Variants in TMC1 observed in about 807,000 individuals in gnomAD.
The protein encoded by TMC1 is transmembrane channel-like protein 1.
Under a neutral mutation model 105.8 loss-of-function variants are expected in TMC1, and 84 were observed. That is an observed-to-expected ratio of 0.79 (90% confidence interval 0.67 to 0.95). TMC1 has a LOEUF of 0.95. Ranked by LOEUF, TMC1 falls within the 40% of genes least tolerant of loss-of-function variation. The pLI is 0.00. For missense variants in TMC1, 817 were observed against 914.1 expected, an observed-to-expected ratio of 0.89 and a Z score of 1.37; for synonymous variants, 315 against 311.5, an observed-to-expected ratio of 1.01 and a Z score of -0.12.
At chr9:72,780,762 A>G (rs903842747) in intron 13 of TMC1, among the ~76,000 whole-genome samples, 5 of 152,218 alleles carry the variant, frequency 3.3e-5, no homozygotes, top group Non-Finnish European at 7.3e-5. Flanking sequence ...ATTCAGCAAG[A>G]AGACTTAACT....
chr9:72,791,282 C>CATACG (rs1411908717), intron 15 of TMC1, among the ~76,000 whole-genome samples: 2 of 151,878 alleles, frequency 1.3e-5, no homozygotes, highest in East Asian at 3.9e-4. Context: ...TCTACGTTGG[C>CATACG]TTCCATAACA....
rs1328227759 is a variant in TMC1 at position 72,521,887 on chromosome 9, A to C, written c.-454A>C. 6.6e-6 allele frequency: 1 copy of C among 152,216 alleles called. No individual in the cohort carries two copies. The highest frequency in any genetic ancestry group is 1.5e-5 in the Non-Finnish European group (1 of 68,044). 9.4% of individuals were successfully genotyped at this position (152,216 alleles called of 1,614,324 possible). Reference sequence around the variant, plus strand: ...GCTGAAATTTAGGAATCATTGCCCCAAAAAGTGGCCCTCATAATGATGCCA... The same window carrying C: ...GCTGAAATTTAGGAATCATTGCCCCCAAAAGTGGCCCTCATAATGATGCCA... On this transcript the variant is annotated 5_prime_UTR_variant, in exon 1 of 24. Transcript: ENST00000297784.
chr9:72,571,640 G>T (rs953312678), intron 1 of TMC1, among the ~76,000 whole-genome samples: 1 of 151,306 alleles, frequency 6.6e-6, no homozygotes, highest in Non-Finnish European at 1.5e-5. Context: ...TAAAGATGGG[G>T]TTTCACCATG....
At chr9:72,567,374 G>A (rs1824179315) in intron 1 of TMC1, among the ~76,000 whole-genome samples, 1 of 152,144 alleles carries the variant, frequency 6.6e-6, no homozygotes, top group Admixed American at 6.5e-5. Flanking sequence ...TTCCCCCTCT[G>A]TGAAGGGAAT....
Position 72,687,156 on chromosome 9 carries a change from A to G in TMC1, c.17-1553A>G, listed in dbSNP as rs541857331. Among the ~76,000 whole-genome samples the G allele has an allele frequency of 3.3e-5, 5 of 152,346 alleles. No homozygotes were observed. The South Asian group carries it at 1.0e-3, about 32-fold the overall frequency. ...TATATTATCACATTCTAGTGAAATA[A>G]TCATCACAAATCATCCTAATACATC... is the stretch of plus-strand genomic sequence containing the variant. On this transcript the variant is annotated intron_variant, in intron 5 of 23. Coordinates refer to ENST00000297784, the MANE Select transcript of TMC1 (RefSeq NM_138691.3).
chr9:72,642,727 T>C (rs1825648380), intron 4 of TMC1, among the ~76,000 whole-genome samples: 1 of 152,228 alleles, frequency 6.6e-6, no homozygotes, highest in African/African-American at 2.4e-5. Flanking sequence ...GTATTGTTTT[T>C]CTACTTTTTC....
intron 12 of TMC1, among the ~76,000 whole-genome samples, chr9:72,755,091 AG>A (rs1312510154): frequency 8.8e-5 from 13 of 148,140 alleles, no homozygotes; most frequent in African/African-American, 2.9e-4. Flanking sequence ...AGAGAGAGAG[AG>A]AGAGAAAGAA....
chr9:72,810,794 ACTGT>A (rs1442964927), intron 18 of TMC1, among the ~76,000 whole-genome samples: 1 of 152,144 alleles, frequency 6.6e-6, no homozygotes, highest in African/African-American at 2.4e-5. Flanking sequence ...TTTAAGTTGA[ACTGT>A]CTAATTATTC....
chr9:72,711,714 AGATT>A (rs1427679510), intron 8 of TMC1, among the ~76,000 whole-genome samples: 8 of 152,184 alleles, frequency 5.3e-5, no homozygotes, highest in African/African-American at 1.9e-4. Flanking sequence ...CCCATTCTGT[AGATT>A]GCCTGTCCAA....
chr9:72,593,738 G>GGAAAA (rs1345725866), intron 2 of TMC1, among the ~76,000 whole-genome samples: 1 of 151,818 alleles, frequency 6.6e-6, no homozygotes, highest in Non-Finnish European at 1.5e-5. Flanking sequence ...AGAAGAAGAA[G>GGAAAA]GAAAAGAAAA....
intron 3 of TMC1, among the ~76,000 whole-genome samples, chr9:72,622,302 C>T (rs1257859026): frequency 6.6e-6 from 1 of 152,230 alleles, no homozygotes; most frequent in African/African-American, 2.4e-5. Context: ...CCACTCTCAT[C>T]CACCAGTGAT....
At chr9:72,713,256 CAGGTTTTGCTATT>C (rs1379081867) in intron 8 of TMC1, among the ~76,000 whole-genome samples, 2 of 152,056 alleles carry the variant, frequency 1.3e-5, no homozygotes, top group Non-Finnish European at 2.9e-5. Context: ...GTGTCTCTGC[CAGGTTTTGCTATT>C]AGGATGATGC....
At chr9:72,640,048 T>A (rs1475673766) in intron 4 of TMC1, among the ~76,000 whole-genome samples, 2 of 151,666 alleles carry the variant, frequency 1.3e-5, no homozygotes, top group South Asian at 2.1e-4. Context: ...CCAATCCAAT[T>A]TTTTTTTTAA....
rs557287464 is a variant in TMC1, at chr9:72,561,041, C to T, written c.-427-16861C>T. 2.6e-5 allele frequency among the ~76,000 whole-genome samples: 4 copies of T among 151,762 alleles called. No individual in the cohort carries two copies. The South Asian group carries it at 6.3e-4, about 24-fold the overall frequency. ...AATTAAAGAGAGAAAAGGCCGGGCG[C>T]GGTGGCCCATGCCTGTAATCCCAGC... On this transcript the variant is annotated intron_variant, in intron 1 of 23. Coordinates refer to ENST00000297784, the MANE Select transcript of TMC1 (RefSeq NM_138691.3).
At chr9:72,682,846 C>A (rs1207667357) in intron 5 of TMC1, among the ~76,000 whole-genome samples, 2 of 152,188 alleles carry the variant, frequency 1.3e-5, no homozygotes, top group Non-Finnish European at 2.9e-5. Context: ...GAAAGCATGG[C>A]TGCTTTCTGC....
At chr9:72,557,227 C>T (rs181268901) in intron 1 of TMC1, among the ~76,000 whole-genome samples, 9 of 152,174 alleles carry the variant, frequency 5.9e-5, no homozygotes, top group Non-Finnish European at 1.2e-4. Flanking sequence ...AAACAATAGC[C>T]GGGCGTGGTG....
intron 13 of TMC1, among the ~76,000 whole-genome samples, chr9:72,777,783 C>G (rs1434109601): frequency 6.6e-6 from 1 of 152,172 alleles, no homozygotes; most frequent in Non-Finnish European, 1.5e-5. Context: ...CAAAACCTAT[C>G]ATAATGACAA....
chr9:72,593,795 G>A (rs1200654033), intron 2 of TMC1, among the ~76,000 whole-genome samples: 2 of 152,114 alleles, frequency 1.3e-5, no homozygotes, highest in African/African-American at 2.4e-5. Context: ...AGACTGAAGG[G>A]TATTTTGGAA....
Position 72,789,293 on chromosome 9 carries a change from C to T in TMC1, c.1200C>T (p.Thr400=), listed in dbSNP as rs1828223550. The change falls in exon 15 of 24, where the codon ACC becomes ACT. Residue 400 remains threonine (T), a synonymous_variant. Coordinates refer to ENST00000297784, the MANE Select transcript of TMC1 (RefSeq NM_138691.3). ...AATTTGCACAGCAAGATCCTGACAC[C>T]CTTGGGTGGTGGGAAAAAAATGAAG... ...SQEFAQQDPD[T]LGWWEKNEMN... 2.5e-6 allele frequency: 4 copies of T among 1,613,942 alleles called. No homozygotes were observed. The highest frequency in any genetic ancestry group is 4.5e-5 in the East Asian group (2 of 44,874).
Sources: gnomAD v4.1 joint callset for allele counts (sites outside exome capture counted in the v4.1 genomes callset) on GRCh38, gnomAD v4.1.1 for gene constraint, MANE v1.5 for transcripts, NCBI Gene and HGNC (gene_info 2026-07-23, HGNC 2026-07-21) for gene names.